KIDINS220: variants seen among roughly 807,000 people sequenced by gnomAD.
KIDINS220 encodes the protein kinase D-interacting substrate of 220 kDa.
In KIDINS220, 63 loss-of-function variants were observed where a neutral mutation model predicts 157.6. The ratio of observed to expected loss-of-function variants is 0.40; its 90% confidence interval spans 0.33 to 0.49. The LOEUF is 0.49. Ranked by LOEUF, KIDINS220 falls within the 20% of genes least tolerant of loss-of-function variation. The pLI is 0.66. For synonymous variants in KIDINS220, 732 were observed against 783.6 expected, an observed-to-expected ratio of 0.93 and a Z score of 1.10; for missense variants, 1,772 against 2,171.2, an observed-to-expected ratio of 0.82 and a Z score of 3.65.
At position 8,731,431 on chromosome 2, in the gene KIDINS220, T is replaced by C; in HGVS notation, c.4605A>G (p.Pro1535=). ...TTCTGTCTTTGTCATCTTTGAGCAGTGGAGTGTTATCTGATTCTTCTGTGC... is the reference window on the plus strand; with the variant it reads ...TTCTGTCTTTGTCATCTTTGAGCAGCGGAGTGTTATCTGATTCTTCTGTGC... ...ESGTEESDNT[P]LLKDDKDRKA... Residue 1535 remains proline (P), a synonymous_variant, in exon 30 of 30, where the codon CCA becomes CCG. Coordinates refer to ENST00000256707, the MANE Select transcript of KIDINS220 (RefSeq NM_020738.4). This position sits in a 1 kb window ranked among gnomAD's most constrained non-coding sequence, Gnocchi z 5.2. 1 of 1,614,218 alleles carries C rather than the reference T, an allele frequency of 6.2e-7. No individual in the cohort carries two copies. The highest frequency in any genetic ancestry group is 8.5e-7 in the Non-Finnish European group (1 of 1,180,032).
In KIDINS220 at chr2:8,730,527, AGAGGCTGGCTGGT is replaced by A; in HGVS notation, c.*180_*192del. ...TGAAGCTTCTAATTACAAAGACCAC[AGAGGCTGGCTGGT>A]GAGCCATGCTTCTCATGCTCCCTTC... On this transcript the variant is annotated 3_prime_UTR_variant, in exon 30 of 30. Coordinates refer to ENST00000256707, the MANE Select transcript of KIDINS220 (RefSeq NM_020738.4). The A allele has an allele frequency of 7.0e-7, 1 of 1,426,422 alleles. No individual in the cohort carries two copies. The highest frequency in any genetic ancestry group is 1.6e-5 in the South Asian group (1 of 63,170). The allele number at this position is 1,426,422 out of a possible 1,614,324, so 88.4% of individuals were successfully genotyped here.
chr2:8,736,812 G>A (rs1322326225), intron 27 of KIDINS220, 56 bp downstream of exon 27: 4 of 1,600,244 alleles, frequency 2.5e-6, no homozygotes, highest in African/African-American at 1.3e-5. Flanking sequence ...GACCCACACA[G>A]TCCTGTCTTC....
chr2:8,812,436 G>C lies in KIDINS220; in HGVS notation c.463C>G (p.Leu155Val). 6.3e-7 allele frequency: 1 copy of C among 1,599,008 alleles called. No homozygotes were observed. Among genetic ancestry groups the C allele is most frequent in the African/African-American group, 1.3e-5 (1 of 74,192 alleles). Residue 155 changes from leucine to valine, a missense_variant, in exon 6 of 30, where the codon CTT (leucine) becomes GTT (valine). This residue lies in a region of KIDINS220 where 254 missense variants were observed against 268.6 expected (regional missense o/e 0.95). Coordinates refer to ENST00000256707, the MANE Select transcript of KIDINS220 (RefSeq NM_020738.4). The part of the protein sequence containing the change: ...AGRGHADIVH[L>V]LLQNGAKVNC... Reference sequence around the variant, plus strand: ...ACTTTAGCACCATTTTGCAGTAAAAGATGAACTATATCTGCATGGCCTCTC... The same window carrying C: ...ACTTTAGCACCATTTTGCAGTAAAACATGAACTATATCTGCATGGCCTCTC...
At position 8,730,067 on chromosome 2, in the gene KIDINS220, A is replaced by C; in HGVS notation, c.*653T>G. The C allele has an allele frequency of 3.0e-6, 3 of 985,452 alleles. No individual in the cohort carries two copies. Among genetic ancestry groups the C allele is most frequent in the Non-Finnish European group, 3.6e-6 (3 of 829,970 alleles). 61.0% of individuals were successfully genotyped at this position (985,452 alleles called of 1,614,324 possible). On this transcript the variant is annotated 3_prime_UTR_variant, in exon 30 of 30. Transcript: ENST00000256707. ...CACGGAGGTCACCAGCCCTCCCCGC[A>C]TCTACTCTCCTAACAGCTCAGGACA... is the stretch of plus-strand genomic sequence containing the variant.
downstream of KIDINS220, among the ~76,000 whole-genome samples, chr2:8,726,370 T>C (rs373861978): frequency 3.3e-5 from 5 of 152,372 alleles, no homozygotes; most frequent in African/African-American, 1.2e-4. Context: ...AAGGCTGTGA[T>C]TGGCTAATCA....
At chr2:8,787,482 C>T (rs956220657) in intron 15 of KIDINS220, among the ~76,000 whole-genome samples, 2 of 151,806 alleles carry the variant, frequency 1.3e-5, no homozygotes, top group Admixed American at 1.3e-4. Flanking sequence ...AGTCCTCCCA[C>T]TTCAGCCTCC....
At chr2:8,768,237 AATGT>A (rs1302234518) in intron 22 of KIDINS220, among the ~76,000 whole-genome samples, 3 of 151,130 alleles carry the variant, frequency 2.0e-5, no homozygotes, top group African/African-American at 7.4e-5. Context: ...TTTCTTACTA[AATGT>A]ATGTTAAAAA....
At chr2:8,766,743 A>T (rs139595267) in intron 22 of KIDINS220, among the ~76,000 whole-genome samples, 1 of 152,336 alleles carries the variant, frequency 6.6e-6, no homozygotes, top group Non-Finnish European at 1.5e-5. Flanking sequence ...AGCAAAATAC[A>T]CAAATAGGTA....
intron 20 of KIDINS220, among the ~76,000 whole-genome samples, chr2:8,778,078 A>G (rs1671211187): frequency 6.6e-6 from 1 of 152,234 alleles, no homozygotes; most frequent in Admixed American, 6.5e-5. Flanking sequence ...TCTTCCTGTC[A>G]TATGCATACA....
In KIDINS220 at chr2:8,812,494, C is replaced by T. The variant is rs769936344; in HGVS notation, c.406-1G>A. On this transcript the variant is annotated splice_acceptor_variant, in intron 5 of 29. Coordinates refer to ENST00000256707, the MANE Select transcript of KIDINS220 (RefSeq NM_020738.4). LOFTEE classifies it high-confidence loss of function. ...CCCAAATGATTGGGTAAACACTGTA[C>T]TGCTAGGATAGATTGGTTGGTAGGT... 1.9e-6 allele frequency: 3 copies of T among 1,538,684 alleles called. No homozygotes were observed. Among genetic ancestry groups the T allele is most frequent in the Non-Finnish European group, 1.8e-6 (2 of 1,140,798 alleles).
Position 8,807,428 on chromosome 2 carries a change from A to C in KIDINS220, c.505-1059T>G, listed in dbSNP as rs529311674. On this transcript the variant is annotated intron_variant, in intron 6 of 29. Transcript: ENST00000256707. ...CAGTAGAACTTTCTGTGTTGATGGA[A>C]ATACTCTATAATTCTGTGCTGTGAG... 2.6e-5 allele frequency among the ~76,000 whole-genome samples: 4 copies of C among 152,316 alleles called. No homozygotes were observed. In the East Asian group the frequency reaches 7.7e-4, roughly 29 times the overall value.
chr2:8,801,081 C>T (rs984776016), intron 8 of KIDINS220, among the ~76,000 whole-genome samples: 1 of 152,160 alleles, frequency 6.6e-6, no homozygotes, highest in Non-Finnish European at 1.5e-5. Context: ...AAGTTCACAA[C>T]CTCATGAGGA....
At chr2:8,734,346 C>T (rs1332623324) in intron 28 of KIDINS220, among the ~76,000 whole-genome samples, 1 of 152,076 alleles carries the variant, frequency 6.6e-6, no homozygotes, top group Admixed American at 6.5e-5. Context: ...GTCAAGGCCT[C>T]GAAGGCTTTG....
chr2:8,796,938 A>G, intron 10 of KIDINS220, 69 bp from the exon 11 acceptor site: 1 of 1,100,676 alleles, frequency 9.1e-7, no homozygotes, highest in Non-Finnish European at 1.4e-6. Flanking sequence ...ATACAAATGC[A>G]CATGTCAAGA....
intron 2 of KIDINS220, among the ~76,000 whole-genome samples, chr2:8,824,224 C>G (rs1441615750): frequency 1.3e-5 from 2 of 152,012 alleles, no homozygotes; most frequent in African/African-American, 4.8e-5. Context: ...AGCTATTATT[C>G]AATAGCTAAT....
intron 26 of KIDINS220, among the ~76,000 whole-genome samples, chr2:8,743,734 C>A (rs1449081122): frequency 6.6e-6 from 1 of 152,208 alleles, no homozygotes. Flanking sequence ...CATGTGGAGA[C>A]TAGCACTCCT....
At chr2:8,823,900 G>A (rs1304938037) in intron 2 of KIDINS220, among the ~76,000 whole-genome samples, 1 of 151,492 alleles carries the variant, frequency 6.6e-6, no homozygotes, top group Non-Finnish European at 1.5e-5. Flanking sequence ...GTTAACTAAT[G>A]AAAATATATT....
intron 21 of KIDINS220, 93 bp downstream of exon 21, chr2:8,776,655 T>A: frequency 9.1e-7 from 1 of 1,104,902 alleles, no homozygotes; most frequent in Non-Finnish European, 1.3e-6. Flanking sequence ...TGTAAACATA[T>A]ACACACAATA....
chr2:8,746,894 A>G (rs1283197895), intron 26 of KIDINS220: 1 of 439,722 alleles, frequency 2.3e-6, no homozygotes, highest in African/African-American at 2.0e-5. Context: ...TCCTTATTGA[A>G]GAATAAAAAA....
Sources: gnomAD v4.1 joint callset for allele counts (sites outside exome capture counted in the v4.1 genomes callset) on GRCh38, gnomAD v4.1.1 for gene constraint, gnomAD v4.1.1 regional missense constraint, Gnocchi (gnomAD v3.1) non-coding constraint, MANE v1.5 for transcripts, NCBI Gene and HGNC (gene_info 2026-07-23, HGNC 2026-07-21) for gene names.